Variants in IL1RAPL1 observed in about 807,000 individuals in gnomAD.
The protein encoded by IL1RAPL1 is interleukin-1 receptor accessory protein-like 1.
A neutral mutation model predicts 48.4 loss-of-function variants in IL1RAPL1; 3 were observed. The observed-to-expected ratio is 0.06, with a 90% CI of 0.03 to 0.16. The LOEUF is 0.16. IL1RAPL1 is among the 10% of genes least tolerant of loss of function. IL1RAPL1 has a pLI of 1.00. For missense variants in IL1RAPL1, 349 were observed against 530.6 expected, an observed-to-expected ratio of 0.66 and a Z score of 3.36; for synonymous variants, 185 against 187.7, an observed-to-expected ratio of 0.99 and a Z score of 0.12.
intron 5 of IL1RAPL1, among the ~76,000 whole-genome samples, chrX:29,647,364 AAATACTC>A (rs1227621568): frequency 3.7e-5 from 4 of 107,916 alleles, no homozygotes; most frequent in African/African-American, 1.4e-4. Flanking sequence ...AAAAAAAAAA[AAATACTC>A]TAATACGGTA....
chrX:28,725,108 G>A (rs1935652772), intron 1 of IL1RAPL1, among the ~76,000 whole-genome samples: 1 of 108,349 alleles, frequency 9.2e-6, no homozygotes, highest in Non-Finnish European at 1.9e-5. Context: ...CCCGCACCAC[G>A]CCCGGCTAAT....
chrX:28,772,244 T>C (rs1348694720), intron 1 of IL1RAPL1, among the ~76,000 whole-genome samples: 1 of 111,469 alleles, frequency 9.0e-6, no homozygotes, highest in African/African-American at 3.3e-5. Flanking sequence ...CCTTAGAACA[T>C]TTCAGATTCC....
chrX:28,602,430 A>G (rs1442989834), intron 1 of IL1RAPL1, among the ~76,000 whole-genome samples: 1 of 112,158 alleles, frequency 8.9e-6, no homozygotes, highest in African/African-American at 3.2e-5. Flanking sequence ...TCTGCCACAC[A>G]ATGCCACATC....
chrX:29,531,992 A>T (rs1449713665), intron 5 of IL1RAPL1, among the ~76,000 whole-genome samples: 1 of 112,015 alleles, frequency 8.9e-6, no homozygotes, highest in African/African-American at 3.2e-5. Flanking sequence ...TCACATTCTG[A>T]TGTTCTTGGA....
At chrX:29,210,164 ATTTG>A (rs1413745543) in intron 2 of IL1RAPL1, among the ~76,000 whole-genome samples, 1 of 111,834 alleles carries the variant, frequency 8.9e-6, no homozygotes, top group Non-Finnish European at 1.9e-5. Context: ...TTTATCTCTG[ATTTG>A]TTTCTTTCTT....
At chrX:28,608,964 A>G (rs1934116306) in intron 1 of IL1RAPL1, among the ~76,000 whole-genome samples, 1 of 112,487 alleles carries the variant, frequency 8.9e-6, no homozygotes, top group Admixed American at 9.4e-5. Context: ...AGAATGAAAT[A>G]AAGTTACATG....
chrX:28,634,345 GTA>G (rs1172723381), intron 1 of IL1RAPL1, among the ~76,000 whole-genome samples: 1 of 108,178 alleles, frequency 9.2e-6, no homozygotes, highest in Non-Finnish European at 1.9e-5. Context: ...GTGTGTGTGT[GTA>G]TATGTATATA....
chrX:29,354,615 G>A (rs893672850), intron 3 of IL1RAPL1, among the ~76,000 whole-genome samples: 4 of 112,064 alleles, frequency 3.6e-5, no homozygotes, highest in African/African-American at 1.3e-4. Flanking sequence ...TCTGACAGAA[G>A]ATCACACAAA....
At chrX:28,945,188 T>G (rs1924265107) in intron 2 of IL1RAPL1, among the ~76,000 whole-genome samples, 1 of 111,448 alleles carries the variant, frequency 9.0e-6, no homozygotes, top group South Asian at 3.8e-4. Flanking sequence ...TGGAAGACAG[T>G]GTGGCGATTC....
chrX:29,031,787 T>C (rs1163507840), intron 2 of IL1RAPL1, among the ~76,000 whole-genome samples: 1 of 111,616 alleles, frequency 9.0e-6, no homozygotes, highest in Non-Finnish European at 1.9e-5. Context: ...CTGGTTATAA[T>C]ATCAGTAAAA....
At chrX:29,333,756 G>C (rs1932924011) in intron 3 of IL1RAPL1, among the ~76,000 whole-genome samples, 1 of 79,342 alleles carries the variant, frequency 1.3e-5, no homozygotes, top group Non-Finnish European at 2.5e-5. Flanking sequence ...CCGGGTGGGG[G>C]CTGACCCCCC....
At chrX:28,946,452 C>T (rs1286102588) in intron 2 of IL1RAPL1, among the ~76,000 whole-genome samples, 1 of 110,931 alleles carries the variant, frequency 9.0e-6, no homozygotes, top group Non-Finnish European at 1.9e-5. Flanking sequence ...CAACCCCTCA[C>T]TTTCTCATTC....
chrX:29,233,321 T>C (rs917549559), intron 2 of IL1RAPL1, among the ~76,000 whole-genome samples: 3 of 111,443 alleles, frequency 2.7e-5, no homozygotes, highest in African/African-American at 9.8e-5. Flanking sequence ...CATCACTTCC[T>C]GATATTCTTC....
chrX:29,198,628 C>T (rs1303004034), intron 2 of IL1RAPL1, among the ~76,000 whole-genome samples: 1 of 111,346 alleles, frequency 9.0e-6, no homozygotes, highest in Non-Finnish European at 1.9e-5. Context: ...GTAAGCTCAG[C>T]ATAAGTTGAC....
intron 2 of IL1RAPL1, among the ~76,000 whole-genome samples, chrX:28,870,878 A>G (rs768359127): frequency 2.1e-3 from 230 of 111,845 alleles, no homozygotes; most frequent in Non-Finnish European, 3.4e-3. Context: ...ACAGTATGTA[A>G]TATCCATTAT....
chrX:28,753,020 A>G lies in IL1RAPL1; in HGVS notation c.-24-36300A>G, dbSNP rs144112413. Among the ~76,000 whole-genome samples the G allele has an allele frequency of 8.2e-3, 926 of 112,275 alleles. 14 individuals are homozygous for G. Among genetic ancestry groups the G allele is most frequent in the African/African-American group, 0.028 (867 of 30,916 alleles). The stretch of plus-strand genomic sequence containing the variant: ...ATCCTTTTTACAAACAAGTCTGTAG[A>G]CTATAGGTAGGCAAACTATGACGCA... On this transcript the variant is annotated intron_variant, in intron 1 of 10. Coordinates refer to ENST00000378993, the MANE Select transcript of IL1RAPL1 (RefSeq NM_014271.4).
At chrX:28,602,158 C>CAAT (rs964977262) in intron 1 of IL1RAPL1, among the ~76,000 whole-genome samples, 21 of 108,392 alleles carry the variant, frequency 1.9e-4, no homozygotes, top group Middle Eastern at 9.8e-3. Flanking sequence ...ACCAAGAATT[C>CAAT]AATCAAGGTG....
chrX:29,342,156 T>TGTGTGTG (rs1569290855), intron 3 of IL1RAPL1, among the ~76,000 whole-genome samples: 18 of 64,811 alleles, frequency 2.8e-4, no homozygotes, highest in Admixed American at 2.7e-3. Flanking sequence ...GTGTGTGTGT[T>TGTGTGTG]TGTTTTGTTT....
chrX:29,246,765 C>T (rs1380804695), intron 2 of IL1RAPL1, among the ~76,000 whole-genome samples: 1 of 111,119 alleles, frequency 9.0e-6, no homozygotes, highest in Non-Finnish European at 1.9e-5. Context: ...GTAAGGTTTC[C>T]AGCCCTCTTT....
Sources: allele counts gnomAD v4.1 joint callset (sites outside exome capture counted in the v4.1 genomes callset), GRCh38; gene constraint gnomAD v4.1.1; transcripts MANE v1.5; gene names NCBI Gene and HGNC (gene_info 2026-07-23, HGNC 2026-07-21).